PLOD2: variants seen among roughly 807,000 people sequenced by gnomAD.
PLOD2 encodes the protein procollagen-lysine,2-oxoglutarate 5-dioxygenase 2, also known as lysine hydroxylase 2.
In PLOD2, 65 loss-of-function variants were observed where a neutral mutation model predicts 101.0. That is an observed-to-expected ratio of 0.64 (90% CI 0.53 to 0.79). PLOD2 has a LOEUF of 0.79. Among genes scored for constraint, PLOD2 ranks in the 30% least tolerant of loss-of-function variants. The probability of loss-of-function intolerance (pLI) is 0.00; values close to 1 mark genes in which losing one functional copy is unlikely to be tolerated. For synonymous variants in PLOD2, 314 were observed against 302.9 expected, an observed-to-expected ratio of 1.04 and a Z score of -0.38; for missense variants, 909 against 914.6, an observed-to-expected ratio of 0.99 and a Z score of 0.08.
chr3:146,146,760 C>A lies in PLOD2; in HGVS notation c.109+14121G>T, dbSNP rs530559128. Among the ~76,000 whole-genome samples the A allele has an allele frequency of 3.9e-5, 6 of 152,348 alleles. No homozygotes were observed. The South Asian group carries it at 1.0e-3, about 26-fold the overall frequency. The stretch of plus-strand genomic sequence containing the variant: ...GGTAGTAGCCTCCTAGTTTGGTCAG[C>A]TATTTCTGCTATTCTAGAAGTCACT... On this transcript the variant is annotated intron_variant, in intron 1 of 19. Coordinates refer to ENST00000282903, the MANE Select transcript of PLOD2 (RefSeq NM_182943.3).
Position 146,099,954 on chromosome 3 carries a change from C to T in PLOD2, c.777+2801G>A, listed in dbSNP as rs566744665. ...CTGGAGAGTAATGGCGTGATCTTGG[C>T]TCACTGCAACCTGTCTCCCGGGTTG... On this transcript the variant is annotated intron_variant, in intron 7 of 19. Transcript: ENST00000282903. 1.2e-4 allele frequency among the ~76,000 whole-genome samples: 18 copies of T among 147,248 alleles called. No homozygotes were observed. In the South Asian group the frequency reaches 3.8e-3, roughly 31 times the overall value.
chr3:146,106,084 A>C (rs911914921), intron 5 of PLOD2, among the ~76,000 whole-genome samples: 1 of 152,230 alleles, frequency 6.6e-6, no homozygotes, highest in East Asian at 1.9e-4. Context: ...TGTCTCTTTA[A>C]ATCTCCAAGC....
intron 7 of PLOD2, among the ~76,000 whole-genome samples, chr3:146,093,830 T>TA (rs1000633326): frequency 1.3e-4 from 20 of 152,330 alleles, no homozygotes; most frequent in African/African-American, 3.6e-4. Flanking sequence ...TTTAAAATGT[T>TA]AGAGCATAAA....
chr3:146,109,287 GCAAA>G (rs1484231157), intron 4 of PLOD2, among the ~76,000 whole-genome samples: 4 of 152,308 alleles, frequency 2.6e-5, no homozygotes, highest in African/African-American at 9.6e-5. Context: ...ACCAGGCAGT[GCAAA>G]CTGGAATTTA....
chr3:146,071,015 A>G (rs1405497813), intron 19 of PLOD2, 27 bp downstream of exon 19: 2 of 1,589,338 alleles, frequency 1.3e-6, no homozygotes, highest in East Asian at 2.2e-5. Context: ...CTTTTGAAAA[A>G]TCTAAAAACA....
At chr3:146,155,574 G>A (rs958397256) in intron 1 of PLOD2, among the ~76,000 whole-genome samples, 49 of 151,346 alleles carry the variant, frequency 3.2e-4, no homozygotes, top group African/African-American at 1.1e-3. Flanking sequence ...AAATTAGCTG[G>A]GCATGGTGGC....
chr3:146,074,815 T>C (rs1936274741), intron 15 of PLOD2, among the ~76,000 whole-genome samples: 1 of 151,616 alleles, frequency 6.6e-6, no homozygotes, highest in African/African-American at 2.4e-5. Flanking sequence ...ATTAATTTCT[T>C]AGAAATTCTG....
chr3:146,090,026 C>A (rs1346454739), intron 8 of PLOD2, among the ~76,000 whole-genome samples: 1 of 151,240 alleles, frequency 6.6e-6, no homozygotes, highest in Non-Finnish European at 1.5e-5. Flanking sequence ...TATATAACAA[C>A]AACATTATAA....
chr3:146,074,064 T>C (rs1936244634), intron 15 of PLOD2, among the ~76,000 whole-genome samples: 2 of 151,526 alleles, frequency 1.3e-5, no homozygotes, highest in Non-Finnish European at 3.0e-5. Context: ...GGTTTCTCTT[T>C]ATTCTAATCC....
At chr3:146,141,462 A>G (rs2031519372) in intron 1 of PLOD2, among the ~76,000 whole-genome samples, 1 of 152,058 alleles carries the variant, frequency 6.6e-6, no homozygotes, top group South Asian at 2.1e-4. Flanking sequence ...GGAGAAGTTC[A>G]TGTTCCTCAA....
chr3:146,114,402 A>G (rs1230321037), intron 3 of PLOD2, among the ~76,000 whole-genome samples: 1 of 152,104 alleles, frequency 6.6e-6, no homozygotes, highest in Non-Finnish European at 1.5e-5. Context: ...CTAATACAGC[A>G]AAAGAAACCC....
intron 10 of PLOD2, 177 bp downstream of exon 10, chr3:146,086,609 AG>A: frequency 2.6e-6 from 1 of 387,122 alleles, no homozygotes; most frequent in Non-Finnish European, 4.6e-6. Context: ...TAACTTCTAC[AG>A]CCCTTTATGT....
intron 1 of PLOD2, among the ~76,000 whole-genome samples, chr3:146,126,353 G>GAAA (rs35069585): frequency 6.6e-6 from 1 of 151,626 alleles, no homozygotes; most frequent in African/African-American, 2.4e-5. Flanking sequence ...CTTAGTTGGA[G>GAAA]AAAAAAAATA....
At position 146,072,846 on chromosome 3, in the gene PLOD2, T is replaced by C. The variant is rs186520870; in HGVS notation, c.1744-181A>G. The stretch of plus-strand genomic sequence containing the variant: ...ACATAAATAATGGTGCACCTCAGAA[T>C]TGATGACATCTTACATTCTCAAAAA... On this transcript the variant is annotated intron_variant, in intron 16 of 19. Coordinates refer to ENST00000282903, the MANE Select transcript of PLOD2 (RefSeq NM_182943.3). Among the ~76,000 whole-genome samples, 338 of 151,714 alleles carry C rather than the reference T, an allele frequency of 2.2e-3. 1 individual carries two copies. The highest frequency in any genetic ancestry group is 3.7e-3 in the Admixed American group (56 of 15,150).
chr3:146,075,171 T>C (rs1936286175), intron 15 of PLOD2, among the ~76,000 whole-genome samples: 1 of 151,606 alleles, frequency 6.6e-6, no homozygotes, highest in East Asian at 1.9e-4. Context: ...GGTATGTGGT[T>C]AAAATGGAAC....
At chr3:146,096,679 T>C (rs1468063186) in intron 7 of PLOD2, among the ~76,000 whole-genome samples, 2 of 130,884 alleles carry the variant, frequency 1.5e-5, no homozygotes, top group Non-Finnish European at 3.3e-5. Context: ...GAGGAGCCCC[T>C]CCGTCCGGCA....
intron 3 of PLOD2, among the ~76,000 whole-genome samples, chr3:146,113,653 T>G (rs1481896866): frequency 6.6e-6 from 1 of 152,212 alleles, no homozygotes; most frequent in Non-Finnish European, 1.5e-5. Context: ...TGTCTTTACT[T>G]TAATCTCTTA....
At chr3:146,078,185 T>C (rs937607121) in intron 13 of PLOD2, among the ~76,000 whole-genome samples, 2 of 151,802 alleles carry the variant, frequency 1.3e-5, no homozygotes, top group African/African-American at 4.8e-5. Context: ...AGAACTTTCA[T>C]TAGACACATA....
intron 2 of PLOD2, among the ~76,000 whole-genome samples, chr3:146,123,827 G>A (rs2108097069): frequency 6.6e-6 from 1 of 152,028 alleles, no homozygotes; most frequent in East Asian, 1.9e-4. Flanking sequence ...GAGTGGCACA[G>A]CATTATTTTA....
Sources: gnomAD v4.1 joint callset for allele counts (sites outside exome capture counted in the v4.1 genomes callset) on GRCh38, gnomAD v4.1.1 for gene constraint, MANE v1.5 for transcripts, NCBI Gene and HGNC (gene_info 2026-07-23, HGNC 2026-07-21) for gene names.